The following CRB1 variants were observed in gnomAD, a reference collection of about 807,000 sequenced individuals.
The protein encoded by CRB1 is protein crumbs homolog 1.
Under a neutral mutation model 120.0 loss-of-function variants are expected in CRB1, and 83 were observed. The ratio of observed to expected loss-of-function variants is 0.69; its 90% CI spans 0.58 to 0.83. The LOEUF (loss-of-function observed/expected upper bound fraction) is 0.83. CRB1 is among the 40% of genes least tolerant of loss of function. The pLI is 0.00. For synonymous variants in CRB1, 625 were observed against 612.5 expected (o/e 1.02, Z -0.30); for missense variants, 1,699 against 1,687.6 (o/e 1.01, Z -0.12).
chr1:197,234,158 T>A, the CRB1 span, among the ~76,000 whole-genome samples: 2 of 152,230 alleles, frequency 1.3e-5, no homozygotes, highest in Admixed American at 1.3e-4. Flanking sequence ...GTAGTGGTTT[T>A]AAAAATTCAT....
intron 4 of CRB1, among the ~76,000 whole-genome samples, chr1:197,356,207 A>G (rs944596852): frequency 6.6e-6 from 1 of 152,222 alleles, no homozygotes; most frequent in Non-Finnish European, 1.5e-5. Context: ...AACTGTATGT[A>G]TTTCTTACAG....
the CRB1 span, among the ~76,000 whole-genome samples, chr1:197,256,751 A>G: frequency 6.6e-6 from 1 of 152,012 alleles, no homozygotes; most frequent in East Asian, 1.9e-4. Context: ...ACATGTATAC[A>G]TATGTAACTA....
chr1:197,366,178 C>G (rs1419576269), intron 5 of CRB1, among the ~76,000 whole-genome samples: 2 of 151,942 alleles, frequency 1.3e-5, no homozygotes, highest in Non-Finnish European at 2.9e-5. Flanking sequence ...TAATAAATAA[C>G]TTACTATTTC....
At chr1:197,361,145 AC>A (rs1365264736) in intron 5 of CRB1, among the ~76,000 whole-genome samples, 1 of 149,480 alleles carries the variant, frequency 6.7e-6, no homozygotes, top group East Asian at 2.0e-4. Context: ...ATATTTTATG[AC>A]TTTTTTGCTT....
chr1:197,461,452 G>A (rs972705092), intron 11 of CRB1, among the ~76,000 whole-genome samples: 1 of 152,120 alleles, frequency 6.6e-6, no homozygotes, highest in Non-Finnish European at 1.5e-5. Context: ...GGTTATGAGA[G>A]CCATGAAGGT....
At chr1:197,445,870 T>C (rs1174399899) in intron 11 of CRB1, among the ~76,000 whole-genome samples, 2 of 152,190 alleles carry the variant, frequency 1.3e-5, no homozygotes, top group Non-Finnish European at 2.9e-5. Flanking sequence ...CAATGCTTGC[T>C]CAAAATAAGC....
the CRB1 span, among the ~76,000 whole-genome samples, chr1:197,259,312 A>T: frequency 2.0e-5 from 3 of 152,248 alleles, no homozygotes; most frequent in Non-Finnish European, 1.5e-5. Flanking sequence ...GATAAAGAAA[A>T]TGTGGCACAT....
chr1:197,358,664 A>G (rs79161199), intron 5 of CRB1, among the ~76,000 whole-genome samples: 2,493 of 152,290 alleles, frequency 0.016, 79 homozygotes, highest in African/African-American at 0.058. Flanking sequence ...CCCCCGCTTC[A>G]AAATGTTACT....
At position 197,453,549 on chromosome 1, in the gene CRB1, G is replaced by T. The variant is rs1264619282; in HGVS notation, c.4005+11257G>T. Among the ~76,000 whole-genome samples the T allele has an allele frequency of 7.8e-3, 882 of 112,764 alleles. 8 individuals carry two copies. Among genetic ancestry groups the T allele is most frequent in the South Asian group, 0.024 (82 of 3,476 alleles). 74.0% of individuals were successfully genotyped at this position (112,764 alleles called of 152,430 possible). On this transcript the variant is annotated intron_variant, in intron 11 of 11. Coordinates refer to ENST00000367400, the MANE Select transcript of CRB1 (RefSeq NM_201253.3). ...GTATATATATATATATAGAGAGAGA[G>T]ACAGAGAGAGAGAGAGAGAGGGAGA...
chr1:197,426,389 A>G (rs1419259398), intron 6 of CRB1, among the ~76,000 whole-genome samples: 1 of 151,910 alleles, frequency 6.6e-6, no homozygotes, highest in Non-Finnish European at 1.5e-5. Flanking sequence ...AAATCGCCCT[A>G]TTCCCTTTCT....
intron 5 of CRB1, among the ~76,000 whole-genome samples, chr1:197,378,206 A>G (rs1029001869): frequency 6.6e-6 from 1 of 152,230 alleles, no homozygotes; most frequent in Non-Finnish European, 1.5e-5. Context: ...ATGCGAAACC[A>G]TCAATTCTTC....
chr1:197,375,428 T>C (rs768548449), intron 5 of CRB1, among the ~76,000 whole-genome samples: 1 of 152,164 alleles, frequency 6.6e-6, no homozygotes, highest in Non-Finnish European at 1.5e-5. Context: ...CTGTTTTTTG[T>C]CCCAACTTTG....
chr1:197,223,128 T>C, the CRB1 span: 1 of 866,612 alleles, frequency 1.2e-6, no homozygotes, highest in Non-Finnish European at 2.0e-6. Context: ...ATTTTCAACA[T>C]GATACTTTGG....
At chr1:197,474,516 C>T (rs1445641178) in intron 11 of CRB1, among the ~76,000 whole-genome samples, 1 of 152,174 alleles carries the variant, frequency 6.6e-6, no homozygotes, top group Non-Finnish European at 1.5e-5. Flanking sequence ...TGAAACAGGT[C>T]AGCCCTCTGG....
intron 5 of CRB1, among the ~76,000 whole-genome samples, chr1:197,397,829 G>A (rs1662847471): frequency 6.6e-6 from 1 of 152,166 alleles, no homozygotes; most frequent in African/African-American, 2.4e-5. Context: ...TGAAAACAAA[G>A]AGCATTGAGA....
At chr1:197,261,183 G>T in the CRB1 span, among the ~76,000 whole-genome samples, 1 of 152,126 alleles carries the variant, frequency 6.6e-6, no homozygotes, top group Non-Finnish European at 1.5e-5. Context: ...TAAATGATAT[G>T]ATATACCTTT....
At chr1:197,268,581 T>C in intron 1 of CRB1, 99 bp downstream of exon 1, 1 of 983,736 alleles carries the variant, frequency 1.0e-6, no homozygotes, top group Non-Finnish European at 1.6e-6. Flanking sequence ...TAAAATACAA[T>C]GCTAAAAAAG....
rs75820081 is a variant in CRB1 at position 197,379,605 on chromosome 1, CAAAAAAA to C, written c.1171+22610_1171+22616del. On this transcript the variant is annotated intron_variant, in intron 5 of 11. Transcript: ENST00000367400. Reference sequence around the variant, plus strand: ...GTGAGCCACCAAGCCCGGCCCCGGCCAAAAAAAAAAAAAAAAAAAAAAAACCATTTTT... The same window carrying C: ...GTGAGCCACCAAGCCCGGCCCCGGCCAAAAAAAAAAAAAAAAACCATTTTT... 8.8e-3 allele frequency among the ~76,000 whole-genome samples: 658 copies of C among 74,436 alleles called. 5 individuals carry two copies. The highest frequency in any genetic ancestry group is 0.056 in the Middle Eastern group (6 of 108). The allele number at this position is 74,436 out of a possible 152,430, so 48.8% of individuals were successfully genotyped here.
Position 197,477,318 on chromosome 1 carries a change from G to A in CRB1, c.4006-346G>A, listed in dbSNP as rs576810592. 2.6e-5 allele frequency among the ~76,000 whole-genome samples: 4 copies of A among 152,208 alleles called. No homozygotes were observed. In the South Asian group the frequency reaches 6.2e-4, roughly 24 times the overall value. On this transcript the variant is annotated intron_variant, in intron 11 of 11. Transcript: ENST00000367400. ...GGAGGAAAGAGATCATGAATAATAC[G>A]TGGCTATAGATCTAGAATCATTTTA...
Sources: allele counts gnomAD v4.1 joint callset (sites outside exome capture counted in the v4.1 genomes callset), GRCh38; gene constraint gnomAD v4.1.1; transcripts MANE v1.5; gene names NCBI Gene and HGNC (gene_info 2026-07-23, HGNC 2026-07-21).